Variants in CNBD1 observed in about 807,000 individuals in gnomAD.
CNBD1 encodes the protein cyclic nucleotide-binding domain-containing protein 1.
Under a neutral mutation model 54.4 loss-of-function variants are expected in CNBD1, and 71 were observed. The ratio of observed to expected loss-of-function variants is 1.30; its 90% confidence interval spans 1.08 to 1.59. The LOEUF (loss-of-function observed/expected upper bound fraction) is 1.59, where lower values mean the gene tolerates loss of function less well. Among genes scored for constraint, CNBD1 ranks in the 40% most tolerant of loss-of-function variants. The pLI is 0.00. For missense variants in CNBD1, 659 were observed against 518.0 expected, an observed-to-expected ratio of 1.27 and a Z score of -2.64; for synonymous variants, 182 against 170.7, an observed-to-expected ratio of 1.07 and a Z score of -0.51.
intron 3 of CNBD1, among the ~76,000 whole-genome samples, chr8:86,932,330 C>T (rs1249397676): frequency 6.6e-6 from 1 of 152,084 alleles, no homozygotes; most frequent in Non-Finnish European, 1.5e-5. Flanking sequence ...ATTCCCCTCC[C>T]CCTACAGCTT....
chr8:86,933,707 A>T (rs1373285992), intron 3 of CNBD1, among the ~76,000 whole-genome samples: 1 of 152,160 alleles, frequency 6.6e-6, no homozygotes, highest in Non-Finnish European at 1.5e-5. Flanking sequence ...CTGGGTGGGT[A>T]CATTAAGATT....
chr8:87,307,912 G>A (rs1423582563), intron 8 of CNBD1, among the ~76,000 whole-genome samples: 2 of 151,910 alleles, frequency 1.3e-5, no homozygotes, highest in Non-Finnish European at 1.5e-5. Flanking sequence ...AGGAAGTTCA[G>A]GCATTTATCT....
At chr8:86,961,919 G>GCTCT (rs1807938550) in intron 4 of CNBD1, among the ~76,000 whole-genome samples, 4 of 152,154 alleles carry the variant, frequency 2.6e-5, no homozygotes, top group Admixed American at 2.6e-4. Context: ...GTACTTGTAA[G>GCTCT]ATTTTTCATG....
intron 6 of CNBD1, among the ~76,000 whole-genome samples, chr8:87,242,251 G>GA (rs1004457701): frequency 1.2e-4 from 19 of 152,062 alleles, no homozygotes; most frequent in Admixed American, 6.6e-5. Flanking sequence ...CTCTTGTGGG[G>GA]AAAATCAATA....
At chr8:86,887,460 T>A in intron 1 of CNBD1, 82 bp from the exon 2 acceptor site, 1 of 821,148 alleles carries the variant, frequency 1.2e-6, no homozygotes, top group South Asian at 1.7e-5. Flanking sequence ...CTATGATGAA[T>A]GTTTGCAATT....
chr8:87,230,948 G>A (rs1024987934), intron 5 of CNBD1, among the ~76,000 whole-genome samples: 7 of 152,136 alleles, frequency 4.6e-5, no homozygotes, highest in African/African-American at 1.7e-4. Flanking sequence ...AATTAACAAT[G>A]TCTTTCTTTA....
At chr8:87,058,901 A>G (rs922364566) in intron 4 of CNBD1, among the ~76,000 whole-genome samples, 1 of 152,308 alleles carries the variant, frequency 6.6e-6, no homozygotes, top group Non-Finnish European at 1.5e-5. Context: ...ATTTCTCCCC[A>G]GAAAATGGGG....
intron 4 of CNBD1, among the ~76,000 whole-genome samples, chr8:87,002,218 C>A (rs1341370565): frequency 1.3e-5 from 2 of 152,248 alleles, no homozygotes; most frequent in East Asian, 1.9e-4. Flanking sequence ...CTTTTTACCT[C>A]CACTGACAAA....
chr8:87,048,146 G>A (rs938704397), intron 4 of CNBD1, among the ~76,000 whole-genome samples: 1 of 152,090 alleles, frequency 6.6e-6, no homozygotes, highest in Non-Finnish European at 1.5e-5. Flanking sequence ...CTAGAGAAGG[G>A]GAAAGAGAGG....
chr8:86,965,698 G>A (rs188118697), intron 4 of CNBD1, among the ~76,000 whole-genome samples: 189 of 152,264 alleles, frequency 1.2e-3, no homozygotes, highest in Non-Finnish European at 2.1e-3. Flanking sequence ...CTGTGGCTGC[G>A]GGTGGCTTTG....
chr8:87,094,286 G>A (rs1327918070), intron 4 of CNBD1, among the ~76,000 whole-genome samples: 1 of 151,922 alleles, frequency 6.6e-6, no homozygotes, highest in East Asian at 1.9e-4. Flanking sequence ...GCATAGCTTG[G>A]GCCCCAGGTA....
chr8:87,383,736 C>T (rs779091745), downstream of CNBD1, among the ~76,000 whole-genome samples: 8 of 152,036 alleles, frequency 5.3e-5, no homozygotes, highest in South Asian at 2.1e-4. Flanking sequence ...CTGCCAAATG[C>T]GCAAGAAACT....
At chr8:87,028,851 CTGT>C (rs1402028973) in intron 4 of CNBD1, among the ~76,000 whole-genome samples, 1 of 152,200 alleles carries the variant, frequency 6.6e-6, no homozygotes, top group Non-Finnish European at 1.5e-5. Flanking sequence ...TCTACAAAAA[CTGT>C]TTATATACAA....
At chr8:87,089,810 G>C (rs2130677602) in intron 4 of CNBD1, among the ~76,000 whole-genome samples, 1 of 152,016 alleles carries the variant, frequency 6.6e-6, no homozygotes, top group African/African-American at 2.4e-5. Flanking sequence ...TGGATTATTA[G>C]TGTTGAAATG....
At chr8:87,030,365 C>T (rs935314764) in intron 4 of CNBD1, among the ~76,000 whole-genome samples, 2 of 152,146 alleles carry the variant, frequency 1.3e-5, no homozygotes, top group African/African-American at 4.8e-5. Flanking sequence ...AGAAGATACT[C>T]TTGGAATTCT....
intron 8 of CNBD1, 49 bp downstream of exon 8, chr8:87,286,720 T>C (rs565117264): frequency 1.8e-5 from 24 of 1,307,220 alleles, no homozygotes; most frequent in Non-Finnish European, 2.4e-5. Context: ...TGTTATATTA[T>C]TGGAATTGAA....
At chr8:87,335,929 G>C (rs1809937443) in intron 8 of CNBD1, among the ~76,000 whole-genome samples, 1 of 152,142 alleles carries the variant, frequency 6.6e-6, no homozygotes, top group African/African-American at 2.4e-5. Flanking sequence ...GCATTTGCTT[G>C]TCTGAAAAGG....
intron 2 of CNBD1, among the ~76,000 whole-genome samples, chr8:87,393,604 A>G (rs567758129): frequency 6.6e-6 from 1 of 151,856 alleles, no homozygotes; most frequent in South Asian, 2.1e-4. Context: ...GTGAAAATAA[A>G]AAGTAAGTGA....
At chr8:87,338,410 G>A (rs916413049) in intron 8 of CNBD1, among the ~76,000 whole-genome samples, 2 of 151,896 alleles carry the variant, frequency 1.3e-5, no homozygotes, top group Admixed American at 6.6e-5. Flanking sequence ...TTGTTTCCTC[G>A]TTACTTTTGA....
Sources: gnomAD v4.1 joint callset for allele counts (sites outside exome capture counted in the v4.1 genomes callset) on GRCh38, gnomAD v4.1.1 for gene constraint, MANE v1.5 for transcripts, NCBI Gene and HGNC (gene_info 2026-07-23, HGNC 2026-07-21) for gene names.